The following ITGA8 variants were observed in gnomAD, a reference collection of about 807,000 sequenced individuals.
ITGA8 encodes integrin subunit alpha 8, also known as integrin alpha-8.
Under a neutral mutation model 142.3 loss-of-function variants are expected in ITGA8, and 91 were observed. That is an observed-to-expected ratio of 0.64 (90% CI 0.54 to 0.76). The LOEUF is 0.76. Ranked by LOEUF, ITGA8 falls within the 30% of genes least tolerant of loss-of-function variation. The pLI is 0.00. For missense variants in ITGA8, 1,406 were observed against 1,327.7 expected, an observed-to-expected ratio of 1.06 and a Z score of -0.92; for synonymous variants, 505 against 485.2, an observed-to-expected ratio of 1.04 and a Z score of -0.54.
intron 23 of ITGA8, among the ~76,000 whole-genome samples, chr10:15,584,519 G>C (rs1832787585): frequency 6.6e-6 from 1 of 152,148 alleles, no homozygotes; most frequent in Admixed American, 6.5e-5. Flanking sequence ...TGGGATAACA[G>C]AAACTTCACC....
At chr10:15,523,689 C>T (rs1833109966) in intron 28 of ITGA8, among the ~76,000 whole-genome samples, 1 of 149,748 alleles carries the variant, frequency 6.7e-6, no homozygotes, top group East Asian at 2.0e-4. Flanking sequence ...ACAGATGGAT[C>T]ACTTGAGGTC....
At chr10:15,708,921 C>T (rs1235389216) in intron 2 of ITGA8, among the ~76,000 whole-genome samples, 1 of 152,134 alleles carries the variant, frequency 6.6e-6, no homozygotes, top group African/African-American at 2.4e-5. Context: ...GCCTCCCTAT[C>T]AAATCACACT....
At chr10:15,585,766 T>TC (rs1231195950) in intron 23 of ITGA8, among the ~76,000 whole-genome samples, 21 of 152,102 alleles carry the variant, frequency 1.4e-4, no homozygotes, top group Admixed American at 2.0e-4. Context: ...TTGACCCTTT[T>TC]CCCCCGTCTC....
intron 29 of ITGA8, among the ~76,000 whole-genome samples, chr10:15,518,953 G>GA (rs1234340627): frequency 6.6e-6 from 1 of 152,110 alleles, no homozygotes; most frequent in East Asian, 1.9e-4. Context: ...AATTAAACAA[G>GA]AAAAAGAAGT....
chr10:15,655,687 G>A (rs1212777061), intron 10 of ITGA8, among the ~76,000 whole-genome samples: 1 of 152,150 alleles, frequency 6.6e-6, no homozygotes, highest in Non-Finnish European at 1.5e-5. Flanking sequence ...AATGTTCACT[G>A]CTAAATCTGG....
Position 15,517,167 on chromosome 10 carries a change from A to G in ITGA8, c.3183T>C (p.Pro1061=), listed in dbSNP as rs759772541. 8.7e-6 allele frequency: 14 copies of G among 1,611,752 alleles called. No individual in the cohort carries two copies. In the East Asian group the frequency reaches 2.2e-4, roughly 26 times the overall value. Residue 1061 remains proline, a synonymous_variant, in exon 30 of 30, where the codon CCT becomes CCC. Coordinates refer to ENST00000378076, the MANE Select transcript of ITGA8 (RefSeq NM_003638.3). ...TTCTTTTTTTTTCTTGTCATGCCTC[A>G]GGGGTCTTGTCATTTGTCAGCTGTT... ...DREQLTNDKT[P]EA is the part of the protein sequence containing the mutation.
At chr10:15,577,515 A>G (rs1467905590) in intron 23 of ITGA8, among the ~76,000 whole-genome samples, 1 of 152,184 alleles carries the variant, frequency 6.6e-6, no homozygotes, top group African/African-American at 2.4e-5. Context: ...TTCTGTAACA[A>G]AAAATCAAAT....
chr10:15,546,321 C>T (rs761789601), intron 27 of ITGA8, among the ~76,000 whole-genome samples: 1 of 152,222 alleles, frequency 6.6e-6, no homozygotes, highest in Non-Finnish European at 1.5e-5. Flanking sequence ...ACAGCTATTT[C>T]TCCTATAACT....
chr10:15,692,880 C>A (rs575222087), intron 2 of ITGA8, among the ~76,000 whole-genome samples: 2 of 152,278 alleles, frequency 1.3e-5, no homozygotes, highest in African/African-American at 4.8e-5. Context: ...CCAGCCTGAC[C>A]AATATGGTGA....
In ITGA8 at chr10:15,647,001, T is replaced by A. The variant is rs752903321; in HGVS notation, c.1052A>T (p.Glu351Val). 6 of 1,613,898 alleles carry A rather than the reference T, an allele frequency of 3.7e-6. No individual in the cohort carries two copies. The African/African-American group carries it at 8.0e-5, about 22-fold the overall frequency. The change falls in exon 12 of 30, where the codon GAG (glutamate) becomes GTG (valine). Residue 351 changes from glutamate to valine, a missense_variant. By Grantham distance (121) the Glu-to-Val change is moderately radical (BLOSUM62 -2). Transcript: ENST00000378076. ...GAPLFMEREF[E>V]SNPREVGQIY... ...TTGCCCTACTTCTCTGGGGTTGCTC[T>A]CAAATTCACGTTCCATAAAGAGAGG...
At chr10:15,700,757 G>T (rs543737146) in intron 2 of ITGA8, among the ~76,000 whole-genome samples, 1 of 152,196 alleles carries the variant, frequency 6.6e-6, no homozygotes, top group East Asian at 1.9e-4. Context: ...AGTGGGCTGA[G>T]GACATGAATA....
intron 2 of ITGA8, among the ~76,000 whole-genome samples, chr10:15,712,874 C>A (rs1267564736): frequency 6.6e-6 from 1 of 152,236 alleles, no homozygotes; most frequent in East Asian, 1.9e-4. Flanking sequence ...CAGCATGCTG[C>A]AGAGCCTACA....
rs34463146 is a variant in ITGA8, at chr10:15,575,940, CGTGT to C, written c.2373-350_2373-347del. Among the ~76,000 whole-genome samples the C allele has an allele frequency of 3.2e-3, 475 of 148,840 alleles. 1 individual carries two copies. Among genetic ancestry groups the C allele is most frequent in the African/African-American group, 0.01 (421 of 40,530 alleles). On this transcript the variant is annotated intron_variant, in intron 23 of 29. Coordinates refer to ENST00000378076, the MANE Select transcript of ITGA8 (RefSeq NM_003638.3). The stretch of plus-strand genomic sequence containing the variant: ...CATCCATCTATTTCACATGTGAGAA[CGTGT>C]GTGTGTGTGTGTGTGTGTGAGTGTG...
At chr10:15,676,361 C>T (rs1383182764) in intron 6 of ITGA8, among the ~76,000 whole-genome samples, 1 of 152,124 alleles carries the variant, frequency 6.6e-6, no homozygotes, top group Non-Finnish European at 1.5e-5. Context: ...GTTCATGGCT[C>T]CATAAGCAGA....
chr10:15,592,341 T>A lies in ITGA8; in HGVS notation c.2212-37A>T, dbSNP rs767487961. On this transcript the variant is annotated intron_variant, in intron 21 of 29. Coordinates refer to ENST00000378076, the MANE Select transcript of ITGA8 (RefSeq NM_003638.3). ...AATAAAATCACACAAGAGTAGCTTG[T>A]ACACAACATAAAAATATTTTGTAAG... 8.3e-6 allele frequency: 12 copies of A among 1,441,118 alleles called. No individual in the cohort carries two copies. In the East Asian group the frequency reaches 2.7e-4, roughly 33 times the overall value. The allele number at this position is 1,441,118 out of a possible 1,614,324, so 89.3% of individuals were successfully genotyped here.
intron 22 of ITGA8, among the ~76,000 whole-genome samples, chr10:15,586,926 C>CTT (rs59409474): frequency 6.9e-5 from 10 of 144,236 alleles, no homozygotes; most frequent in East Asian, 6.0e-4. Context: ...GAAACTAACA[C>CTT]TTTTTTTTTT....
chr10:15,661,521 C>A (rs940734180), intron 8 of ITGA8, among the ~76,000 whole-genome samples: 1 of 152,196 alleles, frequency 6.6e-6, no homozygotes, highest in Non-Finnish European at 1.5e-5. Context: ...CTTTGTCATA[C>A]TTTGTCATAC....
chr10:15,621,169 CT>C (rs11417286), intron 13 of ITGA8, among the ~76,000 whole-genome samples: 401 of 142,546 alleles, frequency 2.8e-3, no homozygotes, highest in Middle Eastern at 7.4e-3. Flanking sequence ...CTTAAGCTGG[CT>C]TTTTTTTTTT....
chr10:15,598,681 C>T (rs1304927359), intron 20 of ITGA8, among the ~76,000 whole-genome samples: 1 of 152,140 alleles, frequency 6.6e-6, no homozygotes, highest in Non-Finnish European at 1.5e-5. Flanking sequence ...TACAATGAAA[C>T]AGACAAGTAT....
Sources: gnomAD v4.1 joint callset for allele counts (sites outside exome capture counted in the v4.1 genomes callset) on GRCh38, gnomAD v4.1.1 for gene constraint, MANE v1.5 for transcripts, NCBI Gene and HGNC (gene_info 2026-07-23, HGNC 2026-07-21) for gene names.